The following ZNF16 variants were observed in gnomAD, a reference collection of about 807,000 sequenced individuals.
ZNF16 encodes the protein zinc finger protein KOX9.
ZNF16 carries 7 observed loss-of-function variants against 9.0 expected under a neutral mutation model. The ratio of observed to expected loss-of-function variants is 0.78; its 90% CI spans 0.44 to 1.47. The LOEUF is 1.47. Among genes scored for constraint, ZNF16 ranks in the 40% most tolerant of loss-of-function variants. ZNF16 has a pLI of 0.01. For missense variants in ZNF16, 830 were observed against 854.2 expected, an observed-to-expected ratio of 0.97 and a Z score of 0.35; for synonymous variants, 312 against 301.5, an observed-to-expected ratio of 1.03 and a Z score of -0.36.
chr8:144,932,536 T>C lies in ZNF16; in HGVS notation c.251A>G (p.Glu84Gly), dbSNP rs1440669339. ...TATTTCTGCCTGTGATTCCAAATCT[T>C]CATGAATGTCTTCCTTGTGAAGAAA... is the stretch of plus-strand genomic sequence containing the variant. ...KEFLHKEDIH[E>G]DLESQAEISE... Residue 84 changes from glutamate to glycine, a missense_variant, in exon 3 of 3, where the codon GAA (glutamate) becomes GGA (glycine). By Grantham distance (98) the Glu-to-Gly change is moderately conservative. Transcript: ENST00000394909. The surrounding 1 kb of genome is among the most constrained non-coding windows in gnomAD (Gnocchi z 5.0). 6.2e-7 allele frequency: 1 copy of C among 1,614,072 alleles called. No homozygotes were observed. Among genetic ancestry groups the C allele is most frequent in the African/African-American group, 1.3e-5 (1 of 74,932 alleles).
chr8:144,949,826 T>C (rs946999022), intron 1 of ZNF16, among the ~76,000 whole-genome samples: 4 of 152,312 alleles, frequency 2.6e-5, no homozygotes, highest in South Asian at 4.1e-4. Flanking sequence ...GTCTGAAATA[T>C]GGCCTCATGG....
chr8:144,946,759 G>A (rs1833954606), intron 1 of ZNF16, among the ~76,000 whole-genome samples: 3 of 105,210 alleles, frequency 2.9e-5, no homozygotes, highest in African/African-American at 4.1e-5. Context: ...CTGTGGGCCT[G>A]TACCCTGCTG....
Position 144,946,066 on chromosome 8 carries a change from G to C in ZNF16, c.141C>G (p.Thr47=). The change falls in exon 2 of 3, where the codon ACC becomes ACG. Residue 47 remains threonine, a synonymous_variant. Coordinates refer to ENST00000394909, the MANE Select transcript of ZNF16 (RefSeq NM_006958.3). The part of the protein sequence containing the change: ...VTHPGSAACG[T]PCCSDTELEA... The stretch of plus-strand genomic sequence containing the variant: ...CCAGCTCAGTATCACTACAGCAGGG[G>C]GTACCACAGGCTGCAGATCCAGGGT... 6.2e-7 allele frequency: 1 copy of C among 1,613,598 alleles called. No individual in the cohort carries two copies. The highest frequency in any genetic ancestry group is 1.1e-5 in the South Asian group (1 of 91,070).
Position 144,930,649 on chromosome 8 carries a change from G to C in ZNF16, c.*89C>G, listed in dbSNP as rs888923135. 2.1e-6 allele frequency: 3 copies of C among 1,427,236 alleles called. No homozygotes were observed. The highest frequency in any genetic ancestry group is 1.4e-5 in the African/African-American group (1 of 69,994). 88.4% of individuals were successfully genotyped at this position (1,427,236 alleles called of 1,614,324 possible). ...GGCAGTGAGCTGAGTCCAGGCTTTC[G>C]GTCTGGGAAGTGGCAGAGGCTGAGA... On this transcript the variant is annotated 3_prime_UTR_variant, in exon 3 of 3. Coordinates refer to ENST00000394909, the MANE Select transcript of ZNF16 (RefSeq NM_006958.3).
rs2129996219 is a variant in ZNF16, at chr8:144,931,738, A to AC, written c.1048dup (p.Val350GlyfsTer4). On this transcript the variant is annotated frameshift_variant, in exon 3 of 3. Transcript: ENST00000394909. LOFTEE classifies it low-confidence loss of function (END_TRUNC). Reference sequence around the variant, plus strand: ...GAAGGCCTTCCCACACTCACTGCACACATACGGTTTCTCCCCAGAATGGAT... The same window carrying AC: ...GAAGGCCTTCCCACACTCACTGCACACCATACGGTTTCTCCCCAGAATGGAT... 4 of 1,613,978 alleles carry AC rather than the reference A, an allele frequency of 2.5e-6. No individual in the cohort carries two copies. The East Asian group carries it at 8.9e-5, about 36-fold the overall frequency.
intron 2 of ZNF16, among the ~76,000 whole-genome samples, chr8:144,935,114 A>G (rs1411920953): frequency 6.6e-6 from 1 of 152,208 alleles, no homozygotes; most frequent in Non-Finnish European, 1.5e-5. Context: ...ATTCAATGTA[A>G]TTCTTCTCTG....
rs759399942 is a variant in ZNF16 at position 144,945,999 on chromosome 8, T to C, written c.196+12A>G. The C allele has an allele frequency of 5.0e-6, 8 of 1,613,102 alleles. No homozygotes were observed. In the Admixed American group the frequency reaches 1.0e-4, roughly 20 times the overall value. On this transcript the variant is annotated intron_variant, in intron 2 of 2. Coordinates refer to ENST00000394909, the MANE Select transcript of ZNF16 (RefSeq NM_006958.3). ...GAATAAGGGCACCAGCGGAGAACTGTTCTTAAAGTACCTGGCTGCTGATAG... is the reference window on the plus strand; with the variant it reads ...GAATAAGGGCACCAGCGGAGAACTGCTCTTAAAGTACCTGGCTGCTGATAG...
intron 1 of ZNF16, chr8:144,948,149 C>T (rs1296740915): frequency 1.3e-5 from 2 of 152,274 alleles, no homozygotes; most frequent in Non-Finnish European, 2.9e-5. Flanking sequence ...GGACTCAGAT[C>T]ACCATCAAGG....
At chr8:144,947,529 G>A (rs1201246996) in intron 1 of ZNF16, among the ~76,000 whole-genome samples, 1 of 152,180 alleles carries the variant, frequency 6.6e-6, no homozygotes, top group African/African-American at 2.4e-5. Flanking sequence ...GGCAGCCTGT[G>A]CTGCAGCCCC....
chr8:144,937,613 A>G (rs1270396732), intron 2 of ZNF16, among the ~76,000 whole-genome samples: 1 of 152,176 alleles, frequency 6.6e-6, no homozygotes, highest in African/African-American at 2.4e-5. Flanking sequence ...TAGAGTTGTT[A>G]GCTCTTATAT....
At chr8:144,937,143 C>CTTTTTTTT (rs58306145) in intron 2 of ZNF16, among the ~76,000 whole-genome samples, 1 of 110,966 alleles carries the variant, frequency 9.0e-6, no homozygotes. Context: ...CTTTCTCTCT[C>CTTTTTTTT]TTTTTTTTTT....
chr8:144,938,826 G>C (rs1833740085), intron 2 of ZNF16, among the ~76,000 whole-genome samples: 1 of 152,196 alleles, frequency 6.6e-6, no homozygotes, highest in South Asian at 2.1e-4. Flanking sequence ...CTTAGGGGAA[G>C]AGTTTTGTTC....
At chr8:144,949,362 T>C (rs1286510897) in intron 1 of ZNF16, among the ~76,000 whole-genome samples, 1 of 152,222 alleles carries the variant, frequency 6.6e-6, no homozygotes. Flanking sequence ...TCAGTGCATC[T>C]CTGACTTCTC....
chr8:144,935,821 C>T (rs1224615395), intron 2 of ZNF16, among the ~76,000 whole-genome samples: 2 of 152,204 alleles, frequency 1.3e-5, no homozygotes, highest in African/African-American at 4.8e-5. Flanking sequence ...CTCAGAGCCT[C>T]GGCTGGGCTG....
intron 2 of ZNF16, 89 bp downstream of exon 2, chr8:144,945,922 C>T: frequency 1.9e-6 from 3 of 1,542,146 alleles, no homozygotes; most frequent in Non-Finnish European, 2.6e-6. Flanking sequence ...CCTGTGATGA[C>T]ACAGATGCCT....
chr8:144,939,391 G>C (rs1225465049), intron 2 of ZNF16, among the ~76,000 whole-genome samples: 1 of 151,996 alleles, frequency 6.6e-6, no homozygotes, highest in Non-Finnish European at 1.5e-5. Flanking sequence ...GATTGCCTGA[G>C]CTCAGGAGTT....
chr8:144,939,259 C>T (rs989404656), intron 2 of ZNF16, among the ~76,000 whole-genome samples: 1 of 152,108 alleles, frequency 6.6e-6, no homozygotes, highest in African/African-American at 2.4e-5. Context: ...GTGTTCTCTC[C>T]TCCTTTGCAA....
At position 144,933,988 on chromosome 8, in the gene ZNF16, A is replaced by G. The variant is rs776102626; in HGVS notation, c.197-1398T>C. On this transcript the variant is annotated intron_variant, in intron 2 of 2. Transcript: ENST00000394909. This position sits in a 1 kb window ranked among gnomAD's most constrained non-coding sequence, Gnocchi z 5.6. ...AGTCGGTAGTGCTGAGTGGGTGTGA[A>G]GGATGCCCCTCCAATGCCCCTCCCA... Among the ~76,000 whole-genome samples the G allele has an allele frequency of 1.1e-3, 171 of 152,288 alleles. 3 individuals are homozygous for G. The highest frequency in any genetic ancestry group is 5.9e-4 in the Admixed American group (9 of 15,296).
intron 2 of ZNF16, among the ~76,000 whole-genome samples, chr8:144,938,256 T>C (rs1034105980): frequency 7.2e-5 from 11 of 152,260 alleles, no homozygotes; most frequent in African/African-American, 2.4e-4. Flanking sequence ...GGGCTCTTTG[T>C]AACTTCATAT....
Sources: allele counts gnomAD v4.1 joint callset (sites outside exome capture counted in the v4.1 genomes callset), GRCh38; gene constraint gnomAD v4.1.1; non-coding constraint Gnocchi (gnomAD v3.1); transcripts MANE v1.5; gene names NCBI Gene and HGNC (gene_info 2026-07-23, HGNC 2026-07-21).